The following GPC6 variants were observed in gnomAD, a reference collection of about 807,000 sequenced individuals.
GPC6 encodes the protein glypican 6.
GPC6 carries 14 observed loss-of-function variants against 55.2 expected under a neutral mutation model. The observed-to-expected ratio is 0.25, with a 90% CI of 0.17 to 0.40. The LOEUF is 0.40. Among genes scored for constraint, GPC6 ranks in the 10% least tolerant of loss-of-function variants. GPC6 has a pLI of 1.00. For missense variants in GPC6, 641 were observed against 708.5 expected, an observed-to-expected ratio of 0.90 and a Z score of 1.08; for synonymous variants, 278 against 259.6, an observed-to-expected ratio of 1.07 and a Z score of -0.68.
intron 1 of GPC6, among the ~76,000 whole-genome samples, chr13:93,320,305 A>C (rs1879390936): frequency 6.6e-6 from 1 of 152,112 alleles, no homozygotes; most frequent in Admixed American, 6.6e-5. Context: ...AAGGAGTAAT[A>C]AATTACCAAG....
rs1294442191 is a variant in GPC6, at chr13:93,489,805, G to C, written c.161-55458G>C. Among the ~76,000 whole-genome samples the C allele has an allele frequency of 3.3e-5, 5 of 151,448 alleles. 1 individual carries two copies. Among genetic ancestry groups the C allele is most frequent in the African/African-American group, 7.2e-5 (3 of 41,384 alleles). ...GTGTATAAGAATGCTTGTGATTTTT[G>C]CACATTGATTTTGTATCCTGAGACT... On this transcript the variant is annotated intron_variant, in intron 1 of 8. Coordinates refer to ENST00000377047, the MANE Select transcript of GPC6 (RefSeq NM_005708.5).
intron 1 of GPC6, among the ~76,000 whole-genome samples, chr13:93,352,285 C>G (rs1880658025): frequency 6.6e-6 from 1 of 151,998 alleles, no homozygotes; most frequent in South Asian, 2.1e-4. Context: ...CATTAGTATT[C>G]CAATAAAATT....
chr13:93,446,765 A>G (rs191161453), intron 1 of GPC6, among the ~76,000 whole-genome samples: 45 of 152,348 alleles, frequency 3.0e-4, no homozygotes, highest in Admixed American at 1.1e-3. Flanking sequence ...TTTCTTTGAA[A>G]ATATGAACTT....
In GPC6 at chr13:93,982,681, C is replaced by T. The variant is rs75385861; in HGVS notation, c.712-45048C>T. Among the ~76,000 whole-genome samples the T allele has an allele frequency of 6.1e-3, 922 of 152,228 alleles. 11 individuals are homozygous for T. The highest frequency in any genetic ancestry group is 0.021 in the African/African-American group (858 of 41,542). ...ACAGGAAAGCCAAAAATAACAATGG[C>T]TTAAATGAGATGGAACAGATTTTCT... On this transcript the variant is annotated intron_variant, in intron 3 of 8. Transcript: ENST00000377047.
chr13:94,165,275 CATAT>C (rs144165319), intron 4 of GPC6, among the ~76,000 whole-genome samples: 1 of 143,236 alleles, frequency 7.0e-6, no homozygotes, highest in East Asian at 2.0e-4. Flanking sequence ...TATATATACA[CATAT>C]ATATATATAT....
intron 3 of GPC6, among the ~76,000 whole-genome samples, chr13:93,885,015 A>G (rs545910261): frequency 2.0e-5 from 3 of 152,236 alleles, no homozygotes; most frequent in South Asian, 4.1e-4. Flanking sequence ...AAGTGGGTTA[A>G]TGAATGCCTA....
intron 1 of GPC6, among the ~76,000 whole-genome samples, chr13:93,246,545 C>T (rs1392621177): frequency 6.6e-6 from 1 of 151,772 alleles, no homozygotes; most frequent in Non-Finnish European, 1.5e-5. Context: ...GAGAATAACT[C>T]AAAGTCACTA....
chr13:94,381,723 C>A (rs1880168207), intron 6 of GPC6, among the ~76,000 whole-genome samples: 1 of 152,186 alleles, frequency 6.6e-6, no homozygotes, highest in African/African-American at 2.4e-5. Flanking sequence ...CCTCTTCCTA[C>A]CCTTTCTGCA....
intron 1 of GPC6, among the ~76,000 whole-genome samples, chr13:93,445,520 T>C (rs974499384): frequency 2.0e-5 from 3 of 152,224 alleles, no homozygotes; most frequent in Admixed American, 6.5e-5. Context: ...AACTTCTCTA[T>C]TTTAAGAGAA....
At chr13:93,901,046 GA>G (rs1276970189) in intron 3 of GPC6, among the ~76,000 whole-genome samples, 1 of 152,074 alleles carries the variant, frequency 6.6e-6, no homozygotes, top group Non-Finnish European at 1.5e-5. Context: ...CGAAAGTAAA[GA>G]AATATACTTT....
chr13:93,236,213 C>CATT (rs1876228688), intron 1 of GPC6, among the ~76,000 whole-genome samples: 1 of 152,156 alleles, frequency 6.6e-6, no homozygotes, highest in South Asian at 2.1e-4. Flanking sequence ...AGCTAATCTT[C>CATT]ATTATCCTTT....
At chr13:93,352,169 C>T (rs1234535882) in intron 1 of GPC6, among the ~76,000 whole-genome samples, 1 of 152,066 alleles carries the variant, frequency 6.6e-6, no homozygotes, top group East Asian at 1.9e-4. Context: ...GTGATGGTTG[C>T]ACAACACGGT....
At chr13:93,816,941 C>T (rs571564350) in intron 2 of GPC6, among the ~76,000 whole-genome samples, 1 of 152,232 alleles carries the variant, frequency 6.6e-6, no homozygotes, top group African/African-American at 2.4e-5. Context: ...GCTTATGTTT[C>T]AGGTACCTTC....
At chr13:93,229,086 TC>T (rs1169721968) in intron 1 of GPC6, among the ~76,000 whole-genome samples, 1 of 152,226 alleles carries the variant, frequency 6.6e-6, no homozygotes, top group Non-Finnish European at 1.5e-5. Flanking sequence ...TACTTTTCTA[TC>T]CTTGTTACTT....
At chr13:94,012,145 GTT>G (rs1293759394) in intron 3 of GPC6, among the ~76,000 whole-genome samples, 1 of 152,206 alleles carries the variant, frequency 6.6e-6, no homozygotes, top group Non-Finnish European at 1.5e-5. Flanking sequence ...GCCCATGGAA[GTT>G]TCCAAGTAAT....
chr13:93,818,515 G>C (rs934652288), intron 2 of GPC6: 2 of 152,278 alleles, frequency 1.3e-5, no homozygotes, highest in African/African-American at 2.4e-5. Flanking sequence ...TAATTAGCTG[G>C]AGGAGTATCA....
chr13:93,663,759 C>T (rs1228398220), intron 2 of GPC6, among the ~76,000 whole-genome samples: 1 of 152,170 alleles, frequency 6.6e-6, no homozygotes, highest in Non-Finnish European at 1.5e-5. Flanking sequence ...GGACAAGTCA[C>T]TTCATCTTTC....
chr13:93,408,981 T>C (rs1876396487), intron 1 of GPC6, among the ~76,000 whole-genome samples: 1 of 152,152 alleles, frequency 6.6e-6, no homozygotes. Flanking sequence ...TATACTTCAA[T>C]CTGAGGACAG....
chr13:93,449,321 G>A (rs1157057634), intron 1 of GPC6, among the ~76,000 whole-genome samples: 1 of 152,194 alleles, frequency 6.6e-6, no homozygotes. Flanking sequence ...AGGACATCCA[G>A]TATGAAACAG....
Sources: gnomAD v4.1 joint callset for allele counts (sites outside exome capture counted in the v4.1 genomes callset) on GRCh38, gnomAD v4.1.1 for gene constraint, MANE v1.5 for transcripts, NCBI Gene and HGNC (gene_info 2026-07-23, HGNC 2026-07-21) for gene names.